Variants in LMAN2L observed in about 807,000 individuals in gnomAD.
LMAN2L encodes VIP36-like protein.
Under a neutral mutation model 44.3 loss-of-function variants are expected in LMAN2L, and 30 were observed. The observed-to-expected ratio is 0.68, with a 90% confidence interval of 0.51 to 0.92. The LOEUF (loss-of-function observed/expected upper bound fraction) is 0.92. Ranked by LOEUF, LMAN2L falls within the 40% of genes least tolerant of loss-of-function variation. The pLI, the probability that LMAN2L is intolerant of heterozygous loss-of-function variation, is 0.00. For missense variants in LMAN2L, 429 were observed against 446.1 expected, an observed-to-expected ratio of 0.96 and a Z score of 0.35; for synonymous variants, 183 against 171.1, an observed-to-expected ratio of 1.07 and a Z score of -0.54.
chr2:96,722,149 T>C (rs2078171125), intron 4 of LMAN2L, among the ~76,000 whole-genome samples: 2 of 151,806 alleles, frequency 1.3e-5, no homozygotes, highest in South Asian at 2.1e-4. Context: ...TTTGTATTTT[T>C]AGTAGAGACG....
chr2:96,711,926 T>A lies in LMAN2L; in HGVS notation c.607A>T (p.Ile203Phe). ...GTGTCGTAATGAAGATTGCGGACAATGGCTGTGCAGCCTCCCAGCTCTGTA... is the reference window on the plus strand; with the variant it reads ...GTGTCGTAATGAAGATTGCGGACAAAGGCTGTGCAGCCTCCCAGCTCTGTA... ...RPTELGGCTA[I>F]VRNLHYDTFL... The change falls in exon 5 of 8, where the codon ATT (isoleucine) becomes TTT (phenylalanine). Residue 203 changes from isoleucine (I) to phenylalanine (F), a missense_variant. Ile to Phe is a conservative substitution (Grantham distance 21). Coordinates refer to ENST00000264963, the MANE Select transcript of LMAN2L (RefSeq NM_030805.4). 6.2e-7 allele frequency: 1 copy of A among 1,614,194 alleles called. No individual in the cohort carries two copies. The highest frequency in any genetic ancestry group is 8.5e-7 in the Non-Finnish European group (1 of 1,180,040).
intron 4 of LMAN2L, among the ~76,000 whole-genome samples, chr2:96,722,129 G>A (rs902499902): frequency 4.6e-5 from 7 of 151,936 alleles, no homozygotes; most frequent in East Asian, 3.9e-4. Context: ...CACCACGCCC[G>A]GCTAATTTTT....
At chr2:96,735,139 G>A (rs2078487378) in intron 2 of LMAN2L, among the ~76,000 whole-genome samples, 1 of 152,204 alleles carries the variant, frequency 6.6e-6, no homozygotes, top group South Asian at 2.1e-4. Flanking sequence ...CCCGTCCATG[G>A]CCAAGAAGCT....
At chr2:96,721,179 T>C (rs1234338970) in intron 4 of LMAN2L, among the ~76,000 whole-genome samples, 2 of 152,156 alleles carry the variant, frequency 1.3e-5, no homozygotes, top group East Asian at 1.9e-4. Context: ...CTACTTTCTG[T>C]CTCTACAGAT....
At chr2:96,711,840 C>G (rs2077926675) in intron 5 of LMAN2L, 24 bp downstream of exon 5, 1 of 1,613,800 alleles carries the variant, frequency 6.2e-7, no homozygotes, top group Non-Finnish European at 8.5e-7. Context: ...ACACCACCAT[C>G]TGGTCCAGGA....
chr2:96,737,267 G>A (rs2078535884), intron 2 of LMAN2L: 4 of 400,832 alleles, frequency 1.0e-5, no homozygotes, highest in South Asian at 7.1e-5. Flanking sequence ...AGCTCAGAGT[G>A]GCTTTCACAT....
intron 3 of LMAN2L, 54 bp from the exon 4 acceptor site, chr2:96,733,655 G>C: frequency 7.2e-7 from 1 of 1,384,060 alleles, no homozygotes; most frequent in Non-Finnish European, 1.0e-6. Context: ...AGTTGATAAA[G>C]GAATAATATA....
At chr2:96,737,563 G>A (rs1034630117) in intron 2 of LMAN2L, among the ~76,000 whole-genome samples, 2 of 152,186 alleles carry the variant, frequency 1.3e-5, no homozygotes, top group African/African-American at 4.8e-5. Context: ...TGAGGCAGGA[G>A]GAGCCCTTAA....
chr2:96,708,954 G>A (rs1573994537), intron 6 of LMAN2L, among the ~76,000 whole-genome samples: 1 of 89,472 alleles, frequency 1.1e-5, no homozygotes, highest in Non-Finnish European at 2.0e-5. Flanking sequence ...TGCTCTTGTT[G>A]CCCAGGCTGG....
At chr2:96,720,425 T>C (rs751480870) in intron 4 of LMAN2L, among the ~76,000 whole-genome samples, 2 of 152,104 alleles carry the variant, frequency 1.3e-5, no homozygotes, top group Non-Finnish European at 2.9e-5. Context: ...GAGAAAGTGA[T>C]GATCATCAGC....
At chr2:96,731,721 C>T (rs2078401562) in intron 4 of LMAN2L, among the ~76,000 whole-genome samples, 1 of 152,094 alleles carries the variant, frequency 6.6e-6, no homozygotes, top group South Asian at 2.1e-4. Flanking sequence ...CTAAGCATCA[C>T]AGATACAATG....
intron 4 of LMAN2L, among the ~76,000 whole-genome samples, chr2:96,728,505 C>CAAAAAA (rs61588722): frequency 1.1e-5 from 1 of 87,822 alleles, no homozygotes; most frequent in African/African-American, 4.3e-5. Context: ...GACTCCGTCT[C>CAAAAAA]AAAAAAAAAA....
At chr2:96,726,118 C>A (rs2078264793) in intron 4 of LMAN2L, among the ~76,000 whole-genome samples, 1 of 149,486 alleles carries the variant, frequency 6.7e-6, no homozygotes, top group African/African-American at 2.5e-5. Flanking sequence ...TGTGACAGAG[C>A]AAGACTCCGT....
chr2:96,738,027 G>C lies in LMAN2L; in HGVS notation c.228C>G (p.Gly76=), dbSNP rs376632354. 13 of 1,613,862 alleles carry C rather than the reference G, an allele frequency of 8.1e-6. No homozygotes were observed. In the African/African-American group the frequency reaches 1.6e-4, roughly 20 times the overall value. The change falls in exon 2 of 8, where the codon GGC becomes GGG. Residue 76 remains glycine, a synonymous_variant. Coordinates refer to ENST00000264963, the MANE Select transcript of LMAN2L (RefSeq NM_030805.4). ...TATACTGGGTCATCACCATGGCATT[G>C]CCCATCAGATTCCACAGTGAGGAAC... The part of the protein sequence containing the change: ...TGSSSLWNLM[G]NAMVMTQYIR...
intron 4 of LMAN2L, among the ~76,000 whole-genome samples, chr2:96,719,209 G>C (rs1313927225): frequency 6.6e-6 from 1 of 152,136 alleles, no homozygotes; most frequent in African/African-American, 2.4e-5. Flanking sequence ...GAGATCTTCA[G>C]ATCTCCTAAA....
intron 1 of LMAN2L, among the ~76,000 whole-genome samples, chr2:96,738,652 G>A (rs548103836): frequency 6.8e-4 from 104 of 152,210 alleles, no homozygotes; most frequent in African/African-American, 2.4e-3. Flanking sequence ...TCCAGCCTAG[G>A]CAACGGAACA....
rs1167483213 is a variant in LMAN2L at position 96,733,667 on chromosome 2, C to T, written c.425-66G>A. On this transcript the variant is annotated intron_variant, in intron 3 of 7. Transcript: ENST00000264963. Reference sequence around the variant, plus strand: ...AAGAGTTGATAAAGGAATAATATATCACTATGATGGAGGAAAAAGTAAAAT... The same window carrying T: ...AAGAGTTGATAAAGGAATAATATATTACTATGATGGAGGAAAAAGTAAAAT... 2.3e-6 allele frequency: 3 copies of T among 1,294,996 alleles called. No individual in the cohort carries two copies. In the African/African-American group the frequency reaches 4.4e-5, roughly 19 times the overall value. 80.2% of individuals were successfully genotyped at this position (1,294,996 alleles called of 1,614,324 possible).
intron 2 of LMAN2L, among the ~76,000 whole-genome samples, chr2:96,735,390 T>C (rs1231385264): frequency 6.6e-6 from 1 of 152,228 alleles, no homozygotes; most frequent in African/African-American, 2.4e-5. Context: ...ATTTCTGGGA[T>C]ATTTTCCAAC....
chr2:96,734,634 G>A lies in LMAN2L; in HGVS notation c.307-108C>T, dbSNP rs992280526. 29 of 724,872 alleles carry A rather than the reference G, an allele frequency of 4.0e-5. No homozygotes were observed. The Admixed American group carries it at 5.0e-4, about 13-fold the overall frequency. 44.9% of individuals were successfully genotyped at this position (724,872 alleles called of 1,614,324 possible). On this transcript the variant is annotated intron_variant, in intron 2 of 7. Transcript: ENST00000264963. Reference sequence around the variant, plus strand: ...GAAAACACAAATGCAGGTAACACTAGACTAAGGGTTAAAACTTAAATCTAA... The same window carrying A: ...GAAAACACAAATGCAGGTAACACTAAACTAAGGGTTAAAACTTAAATCTAA...
Sources: gnomAD v4.1 joint callset for allele counts (sites outside exome capture counted in the v4.1 genomes callset) on GRCh38, gnomAD v4.1.1 for gene constraint, MANE v1.5 for transcripts, NCBI Gene and HGNC (gene_info 2026-07-23, HGNC 2026-07-21) for gene names.